The following ANKRD45 variants were observed in gnomAD, a reference collection of about 807,000 sequenced individuals.
ANKRD45 encodes ankyrin repeat domain 45.
A neutral mutation model predicts 28.1 loss-of-function variants in ANKRD45; 21 were observed. That is an observed-to-expected ratio of 0.75 (90% CI 0.53 to 1.08). ANKRD45 has a LOEUF of 1.08. ANKRD45 is among the 50% of genes least tolerant of loss of function. ANKRD45 has a pLI of 0.00. For synonymous variants in ANKRD45, 86 were observed against 103.9 expected (o/e 0.83, Z 1.05); for missense variants, 261 against 308.7 (o/e 0.85, Z 1.16).
intron 5 of ANKRD45, among the ~76,000 whole-genome samples, chr1:173,612,463 C>T (rs1473586935): frequency 6.6e-6 from 1 of 152,140 alleles, no homozygotes; most frequent in Non-Finnish European, 1.5e-5. Context: ...GGCCAGTAAG[C>T]ATGAAAAGAT....
the ANKRD45 span, among the ~76,000 whole-genome samples, chr1:173,675,090 A>G: frequency 6.6e-6 from 1 of 152,140 alleles, no homozygotes; most frequent in East Asian, 1.9e-4. Context: ...AAATCAATAT[A>G]GGCCATATTG....
chr1:173,672,014 A>G (rs1670277487), upstream of ANKRD45, among the ~76,000 whole-genome samples: 1 of 151,750 alleles, frequency 6.6e-6, no homozygotes. Flanking sequence ...ATAAACTTAC[A>G]CTCCTGCTCT....
At chr1:173,610,246 T>G in intron 5 of ANKRD45, 31 bp from the exon 6 acceptor site, 1 of 1,597,160 alleles carries the variant, frequency 6.3e-7, no homozygotes, top group Non-Finnish European at 8.6e-7. Context: ...AAATTACATT[T>G]AATTAGTTTG....
intron 5 of ANKRD45, among the ~76,000 whole-genome samples, chr1:173,617,882 G>A (rs1667532163): frequency 6.6e-6 from 1 of 152,166 alleles, no homozygotes; most frequent in Non-Finnish European, 1.5e-5. Context: ...GTCCAGGCTG[G>A]CAACAGGTCA....
At chr1:173,656,647 C>T (rs1406805154) in intron 2 of ANKRD45, among the ~76,000 whole-genome samples, 1 of 152,140 alleles carries the variant, frequency 6.6e-6, no homozygotes, top group African/African-American at 2.4e-5. Flanking sequence ...GAAAATTTAA[C>T]AATCAGTTCT....
At chr1:173,630,841 AAAAAG>A (rs1294581707) in intron 3 of ANKRD45, among the ~76,000 whole-genome samples, 11 of 149,398 alleles carry the variant, frequency 7.4e-5, no homozygotes, top group Middle Eastern at 3.2e-3. Context: ...AAAAAAAAAA[AAAAAG>A]AGAGAGAGAC....
chr1:173,677,845 T>C, the ANKRD45 span, among the ~76,000 whole-genome samples: 1 of 152,188 alleles, frequency 6.6e-6, no homozygotes, highest in Non-Finnish European at 1.5e-5. Flanking sequence ...TAGGAATTAT[T>C]TCAATAAGAC....
At chr1:173,617,320 C>T (rs1667504642) in intron 5 of ANKRD45, among the ~76,000 whole-genome samples, 1 of 152,214 alleles carries the variant, frequency 6.6e-6, no homozygotes, top group Admixed American at 6.5e-5. Flanking sequence ...GACCCACCAC[C>T]TTGGAATTCC....
chr1:173,682,475 G>A, the ANKRD45 span, among the ~76,000 whole-genome samples: 1 of 152,080 alleles, frequency 6.6e-6, no homozygotes, highest in Non-Finnish European at 1.5e-5. Context: ...AAGGAGTCTG[G>A]CACCTTCATT....
chr1:173,632,083 G>C (rs1668222363), intron 3 of ANKRD45, among the ~76,000 whole-genome samples: 1 of 151,242 alleles, frequency 6.6e-6, no homozygotes. Context: ...AACAAAATTG[G>C]CAAACCATTA....
At chr1:173,675,290 C>A in the ANKRD45 span, 1 of 288,606 alleles carries the variant, frequency 3.5e-6, no homozygotes, top group South Asian at 2.7e-5. Flanking sequence ...AAATTGAAAA[C>A]ATTATTTTGC....
rs1667037290 is a variant in ANKRD45, at chr1:173,608,979, A to G, written c.*1166T>C. Among the ~76,000 whole-genome samples the G allele has an allele frequency of 7.2e-6, 1 of 138,706 alleles. No homozygotes were observed. The highest frequency in any genetic ancestry group is 2.6e-4 in the South Asian group (1 of 3,880). 91.0% of individuals were successfully genotyped at this position (138,706 alleles called of 152,430 possible). On this transcript the variant is annotated 3_prime_UTR_variant, in exon 6 of 6. Coordinates refer to ENST00000333279, the MANE Select transcript of ANKRD45 (RefSeq NM_198493.3). ...GGAGAGGAAGGAGAAGGGGAAGGGA[A>G]GGGAAAAGGGAGAAGGGAGAAGGAG...
rs1667073303 is a variant in ANKRD45, at chr1:173,610,035, G to A, written c.*110C>T. 3.6e-6 allele frequency: 4 copies of A among 1,110,592 alleles called. No homozygotes were observed. The highest frequency in any genetic ancestry group is 1.6e-5 in the African/African-American group (1 of 63,728). The allele number at this position is 1,110,592 out of a possible 1,614,324, so 68.8% of individuals were successfully genotyped here. A position where few individuals can be genotyped will look rare whatever the true frequency, so the allele number is the denominator to read the frequency against. On this transcript the variant is annotated 3_prime_UTR_variant, in exon 6 of 6. Transcript: ENST00000333279. ...AACAAAACAAGGGCGATGTAATGTT[G>A]TACTTAAATACTTAAAGAAACCCAC...
At chr1:173,650,115 T>G (rs949796260) in intron 2 of ANKRD45, among the ~76,000 whole-genome samples, 2 of 152,214 alleles carry the variant, frequency 1.3e-5, no homozygotes, top group African/African-American at 4.8e-5. Context: ...CTTATTTTAT[T>G]ATTATTACAC....
intron 5 of ANKRD45, among the ~76,000 whole-genome samples, chr1:173,611,285 T>C (rs1468893043): frequency 6.6e-6 from 1 of 152,166 alleles, no homozygotes; most frequent in Non-Finnish European, 1.5e-5. Context: ...ATCTTTATAC[T>C]TAGGCTTCTC....
intron 2 of ANKRD45, among the ~76,000 whole-genome samples, chr1:173,647,927 G>A (rs1669011770): frequency 6.6e-6 from 1 of 151,914 alleles, no homozygotes; most frequent in African/African-American, 2.4e-5. Context: ...GGGACTATAG[G>A]CTCATGCCAG....
chr1:173,675,539 A>AG, the ANKRD45 span: 1 of 155,068 alleles, frequency 6.4e-6, no homozygotes, highest in Admixed American at 6.5e-5. Flanking sequence ...GCTTGAACCC[A>AG]GGGGGTAGAG....
chr1:173,683,458 A>G, the ANKRD45 span, among the ~76,000 whole-genome samples: 1 of 152,204 alleles, frequency 6.6e-6, no homozygotes, highest in African/African-American at 2.4e-5. Context: ...AACAACAAAA[A>G]GAGTTGTATA....
At chr1:173,702,472 G>A in the ANKRD45 span, among the ~76,000 whole-genome samples, 4 of 152,190 alleles carry the variant, frequency 2.6e-5, no homozygotes, top group African/African-American at 9.7e-5. Context: ...GAGAAGAAAA[G>A]AGGGCTAAAG....
Sources: gnomAD v4.1 joint callset for allele counts (sites outside exome capture counted in the v4.1 genomes callset) on GRCh38, gnomAD v4.1.1 for gene constraint, MANE v1.5 for transcripts, NCBI Gene and HGNC (gene_info 2026-07-23, HGNC 2026-07-21) for gene names.